AOPEP: variants seen among roughly 807,000 people sequenced by gnomAD.
The protein encoded by AOPEP is aminopeptidase O.
In AOPEP, 77 loss-of-function variants were observed where a neutral mutation model predicts 98.1. That is an observed-to-expected ratio of 0.78 (90% CI 0.65 to 0.95). The LOEUF (loss-of-function observed/expected upper bound fraction) is 0.95. AOPEP is among the 40% of genes least tolerant of loss of function. AOPEP has a pLI of 0.00. For synonymous variants in AOPEP, 346 were observed against 365.3 expected (o/e 0.95, Z 0.60); for missense variants, 1,024 against 1,024.7 (o/e 1.00, Z 0.01).
At chr9:94,791,441 G>A (rs1845692282) in intron 3 of AOPEP, among the ~76,000 whole-genome samples, 1 of 151,882 alleles carries the variant, frequency 6.6e-6, no homozygotes, top group African/African-American at 2.4e-5. Context: ...GCCAAGGTGG[G>A]AGGACTGCTT....
At chr9:94,991,717 C>A (rs1470717736) in intron 11 of AOPEP, among the ~76,000 whole-genome samples, 2 of 152,218 alleles carry the variant, frequency 1.3e-5, no homozygotes, top group African/African-American at 4.8e-5. Context: ...ATGGACCTCA[C>A]TTTCCAGAGC....
intron 5 of AOPEP, among the ~76,000 whole-genome samples, chr9:94,883,835 G>A (rs1475754933): frequency 1.3e-5 from 2 of 152,196 alleles, no homozygotes; most frequent in Non-Finnish European, 2.9e-5. Flanking sequence ...AGAGATCTGA[G>A]AAATTGTATC....
chr9:94,951,625 A>G (rs1472786518), intron 7 of AOPEP, among the ~76,000 whole-genome samples: 1 of 152,242 alleles, frequency 6.6e-6, no homozygotes, highest in Non-Finnish European at 1.5e-5. Context: ...GAATCTGGCT[A>G]CAATTATTGC....
chr9:95,141,849 C>G, the AOPEP span, among the ~76,000 whole-genome samples: 1 of 152,110 alleles, frequency 6.6e-6, no homozygotes, highest in Non-Finnish European at 1.5e-5. Flanking sequence ...GGGAATTAAG[C>G]TTACATCTGG....
At chr9:94,955,351 A>T (rs1164237430) in intron 8 of AOPEP, 72 bp downstream of exon 8, 1 of 896,160 alleles carries the variant, frequency 1.1e-6, no homozygotes, top group Non-Finnish European at 1.8e-6. Flanking sequence ...TTAAACAATG[A>T]TGATTAGTAA....
chr9:94,977,870 A>T (rs968887181), intron 10 of AOPEP, among the ~76,000 whole-genome samples: 1 of 152,186 alleles, frequency 6.6e-6, no homozygotes, highest in Non-Finnish European at 1.5e-5. Context: ...CTTTCATATG[A>T]ACTCAAAGCC....
the AOPEP span, among the ~76,000 whole-genome samples, chr9:95,140,644 A>G: frequency 6.6e-6 from 1 of 152,174 alleles, no homozygotes; most frequent in Non-Finnish European, 1.5e-5. Context: ...GCAACAGTCC[A>G]CCTTTTCAAA....
At chr9:95,110,503 C>G in the AOPEP span, 4 of 1,030,182 alleles carry the variant, frequency 3.9e-6, no homozygotes, top group African/African-American at 5.1e-5. Context: ...CAAATACATA[C>G]GTGGGTTATA....
chr9:94,737,668 AT>A (rs1832082335), intron 1 of AOPEP, among the ~76,000 whole-genome samples: 2 of 152,256 alleles, frequency 1.3e-5, no homozygotes, highest in African/African-American at 4.8e-5. Flanking sequence ...TCCATTTGGT[AT>A]AATGTGTAAA....
the AOPEP span, chr9:95,106,997 G>A: frequency 2.9e-5 from 44 of 1,495,412 alleles, 1 homozygote; most frequent in Middle Eastern, 1.2e-3. Context: ...CCAGACCCTC[G>A]GACAGGTAAC....
intron 16 of AOPEP, chr9:95,085,158 G>A (rs758506987): frequency 4.8e-5 from 21 of 439,768 alleles, no homozygotes; most frequent in Middle Eastern, 6.6e-4. Context: ...TGTCGCCGGC[G>A]TCCTTCCGCG....
chr9:94,792,321 T>G (rs1405170407), intron 3 of AOPEP, among the ~76,000 whole-genome samples: 1 of 152,236 alleles, frequency 6.6e-6, no homozygotes, highest in Non-Finnish European at 1.5e-5. Context: ...TTGAATTGAA[T>G]TTGGACAAGA....
the AOPEP span, chr9:95,114,714 C>T: frequency 2.7e-5 from 44 of 1,613,638 alleles, no homozygotes; most frequent in East Asian, 2.0e-4. Flanking sequence ...GGGATATCTG[C>T]GGGTGGAGAG....
chr9:95,008,864 T>A (rs183902022), intron 13 of AOPEP, among the ~76,000 whole-genome samples: 2 of 152,372 alleles, frequency 1.3e-5, no homozygotes, highest in South Asian at 2.1e-4. Context: ...GTTTCATATT[T>A]TAGCCCTTGT....
At chr9:94,857,223 C>G (rs1055963591) in intron 5 of AOPEP, among the ~76,000 whole-genome samples, 1 of 152,192 alleles carries the variant, frequency 6.6e-6, no homozygotes, top group African/African-American at 2.4e-5. Context: ...CCTCAACCAT[C>G]TTTTCTCTAT....
intron 5 of AOPEP, among the ~76,000 whole-genome samples, chr9:94,840,282 A>C (rs1447413210): frequency 4.6e-5 from 7 of 152,190 alleles, no homozygotes; most frequent in Non-Finnish European, 1.0e-4. Flanking sequence ...TAGGCTGTCA[A>C]TATGTTGGAT....
At chr9:94,883,976 C>T (rs557118184) in intron 5 of AOPEP, among the ~76,000 whole-genome samples, 39 of 152,286 alleles carry the variant, frequency 2.6e-4, no homozygotes, top group Admixed American at 5.2e-4. Flanking sequence ...ACCCCTTGAT[C>T]CATCAGGACT....
chr9:95,082,014 C>T (rs986787490), intron 15 of AOPEP, among the ~76,000 whole-genome samples: 7 of 151,980 alleles, frequency 4.6e-5, no homozygotes, highest in South Asian at 2.1e-4. Context: ...GCAGCAGAGC[C>T]GGTGCGGGCT....
chr9:95,129,351 GCTTTT>G, the AOPEP span, among the ~76,000 whole-genome samples: 2 of 152,182 alleles, frequency 1.3e-5, no homozygotes, highest in Non-Finnish European at 2.9e-5. Context: ...ATCTTAAGCT[GCTTTT>G]CTTATCAAGA....
Sources: gnomAD v4.1 joint callset for allele counts (sites outside exome capture counted in the v4.1 genomes callset) on GRCh38, gnomAD v4.1.1 for gene constraint, MANE v1.5 for transcripts, NCBI Gene and HGNC (gene_info 2026-07-23, HGNC 2026-07-21) for gene names.